ARFGEF3: variants seen among roughly 807,000 people sequenced by gnomAD.
ARFGEF3 encodes the protein brefeldin A-inhibited guanine nucleotide-exchange protein 3.
In ARFGEF3, 96 loss-of-function variants were observed where a neutral mutation model predicts 221.7. The observed-to-expected ratio is 0.43, with a 90% CI of 0.37 to 0.51. The LOEUF is 0.51. Among genes scored for constraint, ARFGEF3 ranks in the 20% least tolerant of loss-of-function variants. The probability of loss-of-function intolerance (pLI) is 0.00; values close to 1 mark genes in which losing one functional copy is unlikely to be tolerated. For synonymous variants in ARFGEF3, 1,145 were observed against 1,126.8 expected (o/e 1.02, Z -0.32); for missense variants, 2,410 against 2,789.9 (o/e 0.86, Z 3.07).
chr6:138,268,331 T>C (rs74867695), intron 12 of ARFGEF3, among the ~76,000 whole-genome samples: 2,702 of 152,284 alleles, frequency 0.018, 70 homozygotes, highest in African/African-American at 0.058. Context: ...CATTATTTAT[T>C]TTGATGTCAA....
chr6:138,270,427 GACACACAC>G lies in ARFGEF3; in HGVS notation c.2128+6846_2128+6853del, dbSNP rs3044804. On this transcript the variant is annotated intron_variant, in intron 12 of 33. Coordinates refer to ENST00000251691, the MANE Select transcript of ARFGEF3 (RefSeq NM_020340.5). Reference sequence around the variant, plus strand: ...GCTCTAACTTCAGGAATTTTACGTAGACACACACACACACACACACACACACACACACA... The same window carrying G: ...GCTCTAACTTCAGGAATTTTACGTAGACACACACACACACACACACACACA... Among the ~76,000 whole-genome samples, 102 of 139,512 alleles carry G rather than the reference GACACACAC, an allele frequency of 7.3e-4. 1 individual carries two copies. Among genetic ancestry groups the G allele is most frequent in the African/African-American group, 1.9e-3 (72 of 37,228 alleles). The allele number at this position is 139,512 out of a possible 152,430, so 91.5% of individuals were successfully genotyped here. A position where few individuals can be genotyped will look rare whatever the true frequency, so the allele number is the denominator to read the frequency against.
At chr6:138,265,126 A>C (rs1289668749) in intron 12 of ARFGEF3, among the ~76,000 whole-genome samples, 1 of 152,094 alleles carries the variant, frequency 6.6e-6, no homozygotes, top group South Asian at 2.1e-4. Context: ...GATGGTCTCG[A>C]TCTCCTGACC....
At position 138,253,965 on chromosome 6, in the gene ARFGEF3, C is replaced by T. The variant is rs780491389; in HGVS notation, c.751C>T (p.Arg251Cys). 13 of 1,591,618 alleles carry T rather than the reference C, an allele frequency of 8.2e-6. No homozygotes were observed. Among genetic ancestry groups the T allele is most frequent in the Middle Eastern group, 1.7e-4 (1 of 6,026 alleles). ...SSSSSMHLHRRFTDLIWKNLC... is the reference protein window; with the variant it reads ...SSSSSMHLHRCFTDLIWKNLC... ...CTCCTCCTCCATGCACCTGCACAGG[C>T]GCTTCACGGACCTGATCTGGTGAGC... The change falls in exon 9 of 34, where the codon CGC (arginine) becomes TGC (cysteine). Residue 251 changes from arginine to cysteine, a missense_variant. This residue lies in a region of ARFGEF3 where 570 missense variants were observed against 586.9 expected (regional missense o/e 0.97). Transcript: ENST00000251691.
In ARFGEF3 at chr6:138,328,015, A is replaced by T. The variant is rs1324165746; in HGVS notation, c.5002-6A>T. On this transcript the variant is annotated splice_region_variant and splice_polypyrimidine_tract_variant and intron_variant, in intron 31 of 33. Transcript: ENST00000251691. Reference sequence around the variant, plus strand: ...TTCTGAAATGTACCTTTGCACCCCCATACAGGTGTTTATGCTGGACACCCA... The same window carrying T: ...TTCTGAAATGTACCTTTGCACCCCCTTACAGGTGTTTATGCTGGACACCCA... The T allele has an allele frequency of 6.4e-7, 1 of 1,551,936 alleles. No individual in the cohort carries two copies. Among genetic ancestry groups the T allele is most frequent in the East Asian group, 2.4e-5 (1 of 40,918 alleles).
chr6:138,204,210 G>A (rs1288172243), intron 2 of ARFGEF3, among the ~76,000 whole-genome samples: 1 of 151,382 alleles, frequency 6.6e-6, no homozygotes, highest in East Asian at 2.0e-4. Context: ...ATGGTGGTGG[G>A]CACCTGTAAC....
At chr6:138,215,596 C>G (rs1777826458) in intron 4 of ARFGEF3, among the ~76,000 whole-genome samples, 2 of 152,098 alleles carry the variant, frequency 1.3e-5, no homozygotes, top group African/African-American at 4.8e-5. Context: ...GGTGGGTTAC[C>G]TTGCCTGCCA....
intron 6 of ARFGEF3, 91 bp downstream of exon 6, chr6:138,238,722 T>C (rs1020009760): frequency 1.3e-5 from 16 of 1,249,778 alleles, no homozygotes; most frequent in Middle Eastern, 2.7e-4. Flanking sequence ...GCTGCCTGCC[T>C]CCTGAAAACA....
intron 17 of ARFGEF3, 95 bp from the exon 18 acceptor site, chr6:138,289,723 C>G: frequency 7.5e-7 from 1 of 1,338,762 alleles, no homozygotes; most frequent in Non-Finnish European, 1.0e-6. Flanking sequence ...TCTGTCCTTT[C>G]CCTTTTGCCC....
chr6:138,236,423 GT>G (rs1466982367), intron 5 of ARFGEF3, among the ~76,000 whole-genome samples: 2 of 152,204 alleles, frequency 1.3e-5, no homozygotes, highest in African/African-American at 4.8e-5. Flanking sequence ...TCATTTAGAT[GT>G]ATCTTCAAAG....
intron 6 of ARFGEF3, among the ~76,000 whole-genome samples, chr6:138,242,170 G>A (rs1361787524): frequency 6.6e-6 from 1 of 152,172 alleles, no homozygotes; most frequent in African/African-American, 2.4e-5. Context: ...CATGGGATGA[G>A]TTACGTGTCC....
chr6:138,336,303 C>G lies in ARFGEF3; in HGVS notation c.6351C>G (p.Thr2117=). The G allele has an allele frequency of 6.4e-7, 1 of 1,559,806 alleles. No individual in the cohort carries two copies. The highest frequency in any genetic ancestry group is 8.7e-7 in the Non-Finnish European group (1 of 1,151,796). Residue 2117 remains threonine, a synonymous_variant, in exon 34 of 34, where the codon ACC becomes ACG. Transcript: ENST00000251691. ...RDAEAQIQAW[T]NMVLTVLNQI... ...TAAATCTTTTCTCTTAGGCATGGACCAACATGGTGCTAACAGTTCTCAATC... is the reference window on the plus strand; with the variant it reads ...TAAATCTTTTCTCTTAGGCATGGACGAACATGGTGCTAACAGTTCTCAATC...
At chr6:138,244,378 G>T (rs946223091) in intron 7 of ARFGEF3, among the ~76,000 whole-genome samples, 1 of 152,206 alleles carries the variant, frequency 6.6e-6, no homozygotes, top group African/African-American at 2.4e-5. Flanking sequence ...GACGTTTACA[G>T]GTTTTTTATT....
chr6:138,165,510 A>T (rs1386288187), intron 1 of ARFGEF3, among the ~76,000 whole-genome samples: 2 of 147,334 alleles, frequency 1.4e-5, no homozygotes, highest in Non-Finnish European at 3.0e-5. Flanking sequence ...TGAGACCCAC[A>T]TGGGGGAGAG....
intron 22 of ARFGEF3, among the ~76,000 whole-genome samples, chr6:138,306,787 A>T (rs1779730548): frequency 6.6e-6 from 1 of 152,044 alleles, no homozygotes; most frequent in South Asian, 2.1e-4. Flanking sequence ...AAAATTCAAA[A>T]TGGGTCATGA....
At chr6:138,203,744 G>T (rs1236582755) in intron 2 of ARFGEF3, among the ~76,000 whole-genome samples, 2 of 152,142 alleles carry the variant, frequency 1.3e-5, no homozygotes, top group African/African-American at 4.8e-5. Flanking sequence ...CAGGTTCAAT[G>T]ATTCTCCTGC....
At chr6:138,183,263 A>G (rs1777116994) in intron 2 of ARFGEF3, among the ~76,000 whole-genome samples, 1 of 152,202 alleles carries the variant, frequency 6.6e-6, no homozygotes, top group Non-Finnish European at 1.5e-5. Flanking sequence ...TATGTGGAAG[A>G]CAAGGCCAGC....
chr6:138,252,465 A>G (rs528627794), intron 8 of ARFGEF3, among the ~76,000 whole-genome samples: 3 of 152,286 alleles, frequency 2.0e-5, no homozygotes, highest in East Asian at 3.9e-4. Flanking sequence ...CCCCCTCACT[A>G]TCCTCTGTCT....
chr6:138,249,219 GCA>G (rs1252266533), intron 8 of ARFGEF3, among the ~76,000 whole-genome samples: 2 of 152,208 alleles, frequency 1.3e-5, no homozygotes, highest in Non-Finnish European at 2.9e-5. Context: ...CACTGCAAAT[GCA>G]CACACATACA....
At chr6:138,193,564 T>C (rs933225877) in intron 2 of ARFGEF3, among the ~76,000 whole-genome samples, 6 of 152,246 alleles carry the variant, frequency 3.9e-5, no homozygotes, top group Admixed American at 3.9e-4. Flanking sequence ...TATTTATTAC[T>C]AAAACTCTTA....
Sources: allele counts gnomAD v4.1 joint callset (sites outside exome capture counted in the v4.1 genomes callset), GRCh38; gene constraint gnomAD v4.1.1; regional missense constraint gnomAD v4.1.1; transcripts MANE v1.5; gene names NCBI Gene and HGNC (gene_info 2026-07-23, HGNC 2026-07-21).